The following HBS1L variants were observed in gnomAD, a reference collection of about 807,000 sequenced individuals.
HBS1L encodes HBS1-like protein.
A neutral mutation model predicts 88.9 loss-of-function variants in HBS1L; 55 were observed. That is an observed-to-expected ratio of 0.62 (90% CI 0.50 to 0.77). The LOEUF is 0.77. Among genes scored for constraint, HBS1L ranks in the 30% least tolerant of loss-of-function variants. The pLI is 0.00. For synonymous variants in HBS1L, 267 were observed against 288.5 expected, an observed-to-expected ratio of 0.93 and a Z score of 0.76; for missense variants, 741 against 829.3, an observed-to-expected ratio of 0.89 and a Z score of 1.31.
At chr6:134,971,818 G>A (rs554661816) in intron 15 of HBS1L, among the ~76,000 whole-genome samples, 26 of 152,094 alleles carry the variant, frequency 1.7e-4, no homozygotes, top group South Asian at 1.5e-3. Context: ...ACAACCTCTC[G>A]GAGGGTTCAA....
chr6:135,047,527 A>C (rs1377090161), intron 2 of HBS1L, among the ~76,000 whole-genome samples: 1 of 152,122 alleles, frequency 6.6e-6, no homozygotes, highest in Non-Finnish European at 1.5e-5. Context: ...GCTATGCCTC[A>C]CTCCTAGTTT....
chr6:134,973,731 G>A (rs1425996961), intron 15 of HBS1L, among the ~76,000 whole-genome samples: 2 of 152,142 alleles, frequency 1.3e-5, no homozygotes, highest in South Asian at 2.1e-4. Context: ...GCAGTTCCGG[G>A]AGGCTGAGGC....
chr6:135,037,495 T>C, intron 4 of HBS1L: 1 of 1,549,424 alleles, frequency 6.5e-7, no homozygotes, highest in African/African-American at 1.4e-5. Flanking sequence ...CAAAGGATTA[T>C]TTGAACTTCC....
intron 7 of HBS1L, among the ~76,000 whole-genome samples, 183 bp from the exon 8 acceptor site, chr6:134,994,058 C>G (rs1168500537): frequency 1.3e-5 from 2 of 151,874 alleles, no homozygotes; most frequent in Non-Finnish European, 1.5e-5. Context: ...AGAAGTGCAT[C>G]CATATGGTTT....
chr6:134,979,926 G>A (rs1222509283), intron 13 of HBS1L, among the ~76,000 whole-genome samples: 1 of 152,008 alleles, frequency 6.6e-6, no homozygotes, highest in Non-Finnish European at 1.5e-5. Context: ...GATCCTAGGT[G>A]TTGCTATATA....
At chr6:135,051,214 A>C (rs1158251210) in intron 1 of HBS1L, among the ~76,000 whole-genome samples, 1 of 151,738 alleles carries the variant, frequency 6.6e-6, no homozygotes, top group Non-Finnish European at 1.5e-5. Context: ...ACAGAGCAAG[A>C]CTCCGTCTCA....
At chr6:135,051,678 C>T (rs1343420030) in intron 1 of HBS1L, among the ~76,000 whole-genome samples, 2 of 152,214 alleles carry the variant, frequency 1.3e-5, no homozygotes, top group East Asian at 1.9e-4. Flanking sequence ...AGACTATCAG[C>T]TTCTTCAGGG....
At chr6:134,985,772 G>C (rs572968169) in intron 11 of HBS1L, among the ~76,000 whole-genome samples, 1 of 151,906 alleles carries the variant, frequency 6.6e-6, no homozygotes, top group Admixed American at 6.6e-5. Flanking sequence ...CAAGCATTTC[G>C]GATAAGGGAC....
intron 2 of HBS1L, among the ~76,000 whole-genome samples, chr6:135,043,896 T>C (rs1034412662): frequency 8.5e-5 from 13 of 152,222 alleles, no homozygotes; most frequent in African/African-American, 2.7e-4. Flanking sequence ...TTTATGAAAT[T>C]TGTCTCCCAA....
chr6:134,993,077 G>A (rs1473039930), intron 8 of HBS1L, among the ~76,000 whole-genome samples: 1 of 152,178 alleles, frequency 6.6e-6, no homozygotes, highest in African/African-American at 2.4e-5. Flanking sequence ...ACAGTAATAT[G>A]TTATACATGT....
intron 4 of HBS1L, among the ~76,000 whole-genome samples, chr6:135,010,585 T>C (rs73549301): frequency 0.02 from 3,026 of 152,280 alleles, 109 homozygotes; most frequent in African/African-American, 0.068. Context: ...TATCTAGCCA[T>C]AGATAAATAG....
intron 4 of HBS1L, among the ~76,000 whole-genome samples, chr6:135,008,610 T>C (rs753436327): frequency 1.3e-5 from 2 of 152,230 alleles, no homozygotes; most frequent in Non-Finnish European, 2.9e-5. Flanking sequence ...TGAAATGATG[T>C]AGGTCTTTGG....
At chr6:135,002,552 G>A (rs1025260173) in intron 5 of HBS1L, 182 bp downstream of exon 5, 5 of 450,704 alleles carry the variant, frequency 1.1e-5, no homozygotes, top group Non-Finnish European at 2.0e-5. Context: ...ACAAGATAAG[G>A]CCAGAATCAA....
Position 134,997,541 on chromosome 6 carries a change from G to T in HBS1L, c.655C>A (p.Pro219Thr), listed in dbSNP as rs752526473. 1 of 1,613,990 alleles carries T rather than the reference G, an allele frequency of 6.2e-7. No homozygotes were observed. The highest frequency in any genetic ancestry group is 1.3e-5 in the African/African-American group (1 of 74,908). Residue 219 changes from proline to threonine, a missense_variant, in exon 6 of 18, where the codon CCC becomes ACC. By Grantham distance (38) the Pro-to-Thr change is conservative. Coordinates refer to ENST00000367837, the MANE Select transcript of HBS1L (RefSeq NM_006620.4). The stretch of plus-strand genomic sequence containing the variant: ...TCTTCTGATGCTTGAATCGTGTGGG[G>T]TGGATTAGCAGATTTAGAAGCAGTC... Reference protein sequence around the residue: ...LETASKSANPPHTIQASEEQS... With the variant: ...LETASKSANPTHTIQASEEQS...
At chr6:135,003,336 A>G (rs1351737005) in intron 4 of HBS1L, among the ~76,000 whole-genome samples, 2 of 152,190 alleles carry the variant, frequency 1.3e-5, no homozygotes, top group African/African-American at 4.8e-5. Context: ...ACACAACACT[A>G]GACTTACTAA....
intron 15 of HBS1L, among the ~76,000 whole-genome samples, chr6:134,976,227 A>G (rs543352438): frequency 5.6e-4 from 86 of 152,314 alleles, no homozygotes; most frequent in Non-Finnish European, 5.0e-4. Flanking sequence ...CTCCAGCCAG[A>G]ATGGCCATTA....
chr6:135,028,797 G>C (rs892919365), intron 4 of HBS1L, among the ~76,000 whole-genome samples: 5 of 151,998 alleles, frequency 3.3e-5, no homozygotes, highest in African/African-American at 1.2e-4. Context: ...GGCATCTCTG[G>C]AGACAGTATT....
rs1200153225 is a variant in HBS1L at position 134,962,643 on chromosome 6, A to T, written c.*2636T>A. On this transcript the variant is annotated 3_prime_UTR_variant, in exon 18 of 18. Transcript: ENST00000367837. ...TAATGTGTTCAAGCCACATTATCCTAGAGGTTAACTGCTCAGAAGAATCTC... is the reference window on the plus strand; with the variant it reads ...TAATGTGTTCAAGCCACATTATCCTTGAGGTTAACTGCTCAGAAGAATCTC... 6.6e-6 allele frequency: 1 copy of T among 152,270 alleles called. No individual in the cohort carries two copies. The highest frequency in any genetic ancestry group is 1.5e-5 in the Non-Finnish European group (1 of 68,052). The allele number at this position is 152,270 out of a possible 1,614,324, so 9.4% of individuals were successfully genotyped here. A position where few individuals can be genotyped will look rare whatever the true frequency, so the allele number is the denominator to read the frequency against.
chr6:134,966,292 C>G, intron 17 of HBS1L, 37 bp downstream of exon 17: 1 of 1,563,080 alleles, frequency 6.4e-7, no homozygotes, highest in Non-Finnish European at 8.7e-7. Flanking sequence ...GGCATCATAA[C>G]TATGGATATA....
Sources: allele counts gnomAD v4.1 joint callset (sites outside exome capture counted in the v4.1 genomes callset), GRCh38; gene constraint gnomAD v4.1.1; transcripts MANE v1.5; gene names NCBI Gene and HGNC (gene_info 2026-07-23, HGNC 2026-07-21).